ZNG1A: variants seen among roughly 807,000 people sequenced by gnomAD.
ZNG1A encodes the protein Zn regulated GTPase metalloprotein activator 1A.
At chr9:178,952 T>C in the ZNG1A span, 1 of 1,103,926 alleles carries the variant, frequency 9.1e-7, no homozygotes, top group Non-Finnish European at 1.3e-6. Flanking sequence ...CATCCGCAGA[T>C]CCAACAGCCG....
At chr9:128,504 A>G in the ZNG1A span, among the ~76,000 whole-genome samples, 3 of 148,690 alleles carry the variant, frequency 2.0e-5, no homozygotes, top group African/African-American at 7.5e-5. Flanking sequence ...ATATTTCTAT[A>G]AGTATGTCCA....
chr9:174,376 T>C, the ZNG1A span, among the ~76,000 whole-genome samples: 1,679 of 152,180 alleles, frequency 0.011, 23 homozygotes, highest in African/African-American at 0.039. Flanking sequence ...ATTTTTTATA[T>C]TTCAGCTAGG....
chr9:147,201 C>T, the ZNG1A span: 1 of 110,996 alleles, frequency 9.0e-6, no homozygotes, highest in Non-Finnish European at 1.9e-5. Context: ...AAAAAAAGAA[C>T]AGCAGAGGAC....
At chr9:143,160 T>C in the ZNG1A span, among the ~76,000 whole-genome samples, 3 of 147,980 alleles carry the variant, frequency 2.0e-5, no homozygotes, top group Admixed American at 6.7e-5. Context: ...TTCCAATCAA[T>C]AGAAAAAGAG....
At chr9:163,779 C>T in the ZNG1A span, among the ~76,000 whole-genome samples, 1 of 151,436 alleles carries the variant, frequency 6.6e-6, no homozygotes, top group African/African-American at 2.4e-5. Flanking sequence ...TAGCCAGGTA[C>T]GATGGTGCAC....
chr9:153,678 A>G, the ZNG1A span: 1 of 150,688 alleles, frequency 6.6e-6, no homozygotes, highest in Non-Finnish European at 1.5e-5. Flanking sequence ...ATTACTATTA[A>G]AATAAGATGA....
At chr9:162,721 A>T in the ZNG1A span, among the ~76,000 whole-genome samples, 1 of 151,098 alleles carries the variant, frequency 6.6e-6, no homozygotes, top group Non-Finnish European at 1.5e-5. Context: ...TAAAAATTTT[A>T]AATTAAATAA....
the ZNG1A span, among the ~76,000 whole-genome samples, chr9:143,003 G>A: frequency 7.0e-6 from 1 of 143,694 alleles, no homozygotes; most frequent in Non-Finnish European, 1.5e-5. Flanking sequence ...GGAAGAAGTT[G>A]AATCTCTGAA....
chr9:123,188 G>A, the ZNG1A span: 2 of 1,502,722 alleles, frequency 1.3e-6, no homozygotes, highest in African/African-American at 1.7e-5. Flanking sequence ...AAAGGACTTT[G>A]TCCGAAAGTC....
chr9:138,678 C>G, the ZNG1A span, among the ~76,000 whole-genome samples: 5 of 144,724 alleles, frequency 3.5e-5, no homozygotes, highest in African/African-American at 1.1e-4. Context: ...GCATGAGGAT[C>G]ACTTGAGCCC....
At chr9:129,156 C>T in the ZNG1A span, among the ~76,000 whole-genome samples, 1 of 152,008 alleles carries the variant, frequency 6.6e-6, no homozygotes, top group African/African-American at 2.4e-5. Flanking sequence ...ACTGGTTGGC[C>T]TGCTGCAGGG....
At chr9:177,134 G>C in the ZNG1A span, among the ~76,000 whole-genome samples, 2 of 152,152 alleles carry the variant, frequency 1.3e-5, no homozygotes, top group African/African-American at 4.8e-5. Context: ...TAAAACACTT[G>C]GCACCTTTGA....
the ZNG1A span, among the ~76,000 whole-genome samples, chr9:144,530 T>C: frequency 0.021 from 3,188 of 152,168 alleles, 121 homozygotes; most frequent in African/African-American, 0.074. Flanking sequence ...CCTTACACCT[T>C]ATACAAAAAT....
the ZNG1A span, chr9:150,431 C>G: frequency 1.0e-6 from 1 of 978,294 alleles, no homozygotes; most frequent in Non-Finnish European, 1.2e-6. Flanking sequence ...CAGCCCAAAT[C>G]TCCAGTTTCT....
At chr9:174,203 T>G in the ZNG1A span, among the ~76,000 whole-genome samples, 1 of 151,586 alleles carries the variant, frequency 6.6e-6, no homozygotes, top group Non-Finnish European at 1.5e-5. Flanking sequence ...CTAGCAATAC[T>G]TACTTAAGAA....
At chr9:140,246 C>T in the ZNG1A span, among the ~76,000 whole-genome samples, 1 of 151,942 alleles carries the variant, frequency 6.6e-6, no homozygotes, top group Non-Finnish European at 1.5e-5. Flanking sequence ...GTAACCTCTG[C>T]AGACTTAAGT....
the ZNG1A span, among the ~76,000 whole-genome samples, chr9:157,312 C>T: frequency 2.0e-5 from 3 of 146,430 alleles, no homozygotes; most frequent in Non-Finnish European, 4.5e-5. Context: ...CCCTCATAAT[C>T]CTGTTTACAT....
At chr9:157,579 T>G in the ZNG1A span, among the ~76,000 whole-genome samples, 1 of 147,738 alleles carries the variant, frequency 6.8e-6, no homozygotes, top group East Asian at 1.9e-4. Flanking sequence ...TATTTTCATT[T>G]ATAAAGGAAG....
At chr9:147,457 AT>A in the ZNG1A span, 1 of 116,092 alleles carries the variant, frequency 8.6e-6, no homozygotes, top group Non-Finnish European at 1.7e-5. Flanking sequence ...AGTCTATCAC[AT>A]ACTCGTACTC....
Sources: gnomAD v4.1 joint callset for allele counts (sites outside exome capture counted in the v4.1 genomes callset) on GRCh38, gnomAD v4.1.1 for gene constraint, MANE v1.5 for transcripts, NCBI Gene and HGNC (gene_info 2026-07-23, HGNC 2026-07-21) for gene names.